Variants in HNF4A observed in about 807,000 individuals in gnomAD.
The protein encoded by HNF4A is hepatocyte nuclear factor 4 alpha.
In HNF4A, 15 loss-of-function variants were observed where a neutral mutation model predicts 52.4. The ratio of observed to expected loss-of-function variants is 0.29; its 90% confidence interval spans 0.19 to 0.44. The LOEUF (loss-of-function observed/expected upper bound fraction) is 0.44, where lower values mean the gene tolerates loss of function less well. HNF4A is among the 20% of genes least tolerant of loss of function. The probability of loss-of-function intolerance (pLI) is 1.00; values close to 1 mark genes in which losing one functional copy is unlikely to be tolerated. For missense variants in HNF4A, 479 were observed against 647.2 expected (o/e 0.74, Z 2.82); for synonymous variants, 280 against 264.4 (o/e 1.06, Z -0.57).
intron 5 of HNF4A, among the ~76,000 whole-genome samples, chr20:44,414,882 T>C (rs1483892047): frequency 6.6e-6 from 1 of 152,268 alleles, no homozygotes; most frequent in Non-Finnish European, 1.5e-5. Flanking sequence ...GTACTATTAT[T>C]ACTGCCATCT....
chr20:44,361,195 T>C (rs1349744028), intron 1 of HNF4A, among the ~76,000 whole-genome samples: 2 of 152,154 alleles, frequency 1.3e-5, no homozygotes, highest in African/African-American at 4.8e-5. Context: ...GGAAACTTTT[T>C]AAAACAATTT....
At position 44,428,320 on chromosome 20, in the gene HNF4A, C is replaced by A. The variant is rs1160660614; in HGVS notation, c.1130-15C>A. 3 of 1,613,798 alleles carry A rather than the reference C, an allele frequency of 1.9e-6. No homozygotes were observed. The highest frequency in any genetic ancestry group is 2.5e-6 in the Non-Finnish European group (3 of 1,179,916). ...TCCCAGACTCTCCATCCTGATCGAC[C>A]TTCTCTACCTGCAGGGTCCCCCAGC... On this transcript the variant is annotated splice_polypyrimidine_tract_variant and intron_variant, in intron 8 of 9. Transcript: ENST00000316099.
intron 7 of HNF4A, among the ~76,000 whole-genome samples, chr20:44,421,431 C>T (rs534199749): frequency 1.3e-5 from 2 of 152,232 alleles, no homozygotes; most frequent in South Asian, 2.1e-4. Flanking sequence ...CTGTCCTTCA[C>T]GCTGCAAATA....
chr20:44,375,495 GTTT>G (rs11476597), intron 1 of HNF4A, among the ~76,000 whole-genome samples: 1 of 142,096 alleles, frequency 7.0e-6, no homozygotes. Flanking sequence ...AAATGTTTTT[GTTT>G]TTTTTTTTTG....
At chr20:44,433,201 G>C (rs2063897425), downstream of HNF4A, 1 of 152,218 alleles carries the variant, frequency 6.6e-6, no homozygotes, top group African/African-American at 2.4e-5. Flanking sequence ...TGAGGGGAGA[G>C]TGCAATGGCA....
At chr20:44,401,185 C>T (rs2063402607), upstream of HNF4A, 1 of 1,473,044 alleles carries the variant, frequency 6.8e-7, no homozygotes, top group African/African-American at 1.4e-5. Context: ...TAACCCCCAC[C>T]CCTCCCCGGC....
downstream of HNF4A, chr20:44,433,762 C>T (rs1568751164): frequency 6.6e-6 from 1 of 152,208 alleles, no homozygotes; most frequent in African/African-American, 2.4e-5. Context: ...CACTGGGCTT[C>T]TCTCCAAGGC....
intron 8 of HNF4A, among the ~76,000 whole-genome samples, chr20:44,425,327 A>T (rs1213768205): frequency 6.6e-6 from 1 of 152,174 alleles, no homozygotes; most frequent in Non-Finnish European, 1.5e-5. Context: ...TAGAGAGTGA[A>T]TTGCAGATTC....
rs193922473 is a variant in HNF4A at position 44,413,755 on chromosome 20, G to T, written c.447G>T (p.Leu149=). ...GGTCAAGCTATGAGGACAGCAGCCT[G>T]CCCTCCATCAATGCGCTCCTGCAGG... Residue 149 remains leucine (L), a synonymous_variant, in exon 4 of 10, where the codon CTG becomes CTT. Transcript: ENST00000316099. 4.3e-6 allele frequency: 7 copies of T among 1,613,864 alleles called. No homozygotes were observed. The highest frequency in any genetic ancestry group is 5.9e-6 in the Non-Finnish European group (7 of 1,179,968).
At chr20:44,357,741 A>G (rs2146137200) in intron 1 of HNF4A, among the ~76,000 whole-genome samples, 1 of 152,210 alleles carries the variant, frequency 6.6e-6, no homozygotes, top group East Asian at 1.9e-4. Context: ...TGAATGTTCT[A>G]CTATTATCTC....
At position 44,407,397 on chromosome 20, in the gene HNF4A, G is replaced by A. The variant is rs772786482; in HGVS notation, c.307G>A (p.Val103Met). 2.9e-5 allele frequency: 47 copies of A among 1,610,716 alleles called. No individual in the cohort carries two copies. Among genetic ancestry groups the A allele is most frequent in the Admixed American group, 1.5e-4 (9 of 59,734 alleles). The change falls in exon 3 of 10, where the codon GTG (valine) becomes ATG (methionine). Residue 103 changes from valine to methionine, a missense_variant. This residue lies in a region of HNF4A where 389 missense variants were observed against 525.1 expected (regional missense o/e 0.74). Transcript: ENST00000316099. ...CCTCCCCAGATTTAGCCGGCAGTGC[G>A]TGGTGGACAAAGACAAGAGGAACCA... is the stretch of plus-strand genomic sequence containing the variant.
chr20:44,418,360 TGA>T, intron 5 of HNF4A, 63 bp from the exon 6 acceptor site: 10 of 1,321,396 alleles, frequency 7.6e-6, no homozygotes, highest in Non-Finnish European at 1.1e-5. Context: ...CCAGCGTCAC[TGA>T]GTTGGCTACG....
intron 1 of HNF4A, among the ~76,000 whole-genome samples, chr20:44,359,316 C>A (rs1203878288): frequency 3.9e-5 from 6 of 152,146 alleles, no homozygotes; most frequent in Non-Finnish European, 8.8e-5. Flanking sequence ...ACTGGCTGTC[C>A]CAGCTTCAGC....
At chr20:44,420,682 A>G (rs2063732475) in intron 7 of HNF4A, among the ~76,000 whole-genome samples, 1 of 151,886 alleles carries the variant, frequency 6.6e-6, no homozygotes, top group Admixed American at 6.6e-5. Flanking sequence ...TCGGGAAGCC[A>G]AGGTGAGCAC....
At chr20:44,425,472 A>G (rs1372967044) in intron 8 of HNF4A, among the ~76,000 whole-genome samples, 1 of 152,180 alleles carries the variant, frequency 6.6e-6, no homozygotes, top group Non-Finnish European at 1.5e-5. Context: ...TTGATCAGAC[A>G]TAGGGAGTGA....
intron 1 of HNF4A, chr20:44,384,787 ATAAG>A (rs966985417): frequency 5.9e-5 from 9 of 152,168 alleles, no homozygotes; most frequent in Admixed American, 5.2e-4. Flanking sequence ...CAGAGAGACT[ATAAG>A]TAAGGGGGCA....
downstream of HNF4A, chr20:44,433,052 C>T (rs1194329334): frequency 1.3e-5 from 2 of 152,192 alleles, no homozygotes; most frequent in South Asian, 2.1e-4. Flanking sequence ...TCCCACTTTC[C>T]AGATGAGGAG....
chr20:44,412,421 G>A (rs950498580), intron 3 of HNF4A, among the ~76,000 whole-genome samples: 1 of 152,184 alleles, frequency 6.6e-6, no homozygotes, highest in Non-Finnish European at 1.5e-5. Context: ...GCAGGAAAGG[G>A]AACCCCAGGC....
chr20:44,424,229 C>T lies in HNF4A; in HGVS notation c.1104C>T (p.Asn368=), dbSNP rs1298316445. The T allele has an allele frequency of 6.2e-7, 1 of 1,613,940 alleles. No individual in the cohort carries two copies. The highest frequency in any genetic ancestry group is 8.5e-7 in the Non-Finnish European group (1 of 1,180,004). ...TCTTCGGCATGGCCAAGATTGACAA[C>T]CTGTTGCAGGAGATGCTGCTGGGAG... is the stretch of plus-strand genomic sequence containing the variant. The change falls in exon 8 of 10, where the codon AAC becomes AAT. Residue 368 remains asparagine, a synonymous_variant. Coordinates refer to ENST00000316099, the MANE Select transcript of HNF4A (RefSeq NM_000457.6).
Sources: gnomAD v4.1 joint callset for allele counts (sites outside exome capture counted in the v4.1 genomes callset) on GRCh38, gnomAD v4.1.1 for gene constraint, gnomAD v4.1.1 regional missense constraint, MANE v1.5 for transcripts, NCBI Gene and HGNC (gene_info 2026-07-23, HGNC 2026-07-21) for gene names.